Variants in DPP10 observed in about 807,000 individuals in gnomAD.
DPP10 encodes inactive dipeptidyl peptidase 10.
Under a neutral mutation model 120.9 loss-of-function variants are expected in DPP10, and 33 were observed. The ratio of observed to expected loss-of-function variants is 0.27; its 90% CI spans 0.21 to 0.37. The LOEUF is 0.37. DPP10 is among the 10% of genes least tolerant of loss of function. DPP10 has a pLI of 1.00. For synonymous variants in DPP10, 337 were observed against 326.1 expected (o/e 1.03, Z -0.36); for missense variants, 816 against 942.8 (o/e 0.87, Z 1.76).
intron 1 of DPP10, among the ~76,000 whole-genome samples, chr2:114,678,179 TAAAAAC>T (rs1698791058): frequency 6.6e-6 from 1 of 152,114 alleles, no homozygotes; most frequent in Admixed American, 6.6e-5. Flanking sequence ...GCTCTGAAGA[TAAAAAC>T]AGACATATTT....
intron 1 of DPP10, among the ~76,000 whole-genome samples, chr2:115,185,442 A>T (rs1460406366): frequency 6.6e-6 from 1 of 152,170 alleles, no homozygotes; most frequent in Non-Finnish European, 1.5e-5. Flanking sequence ...CAAAAGTTTT[A>T]AAGTATTACA....
intron 3 of DPP10, among the ~76,000 whole-genome samples, chr2:115,359,699 T>G (rs916502038): frequency 3.3e-5 from 5 of 152,142 alleles, no homozygotes; most frequent in African/African-American, 1.2e-4. Context: ...AAATGTATTC[T>G]CAAATTTGTT....
intron 1 of DPP10, among the ~76,000 whole-genome samples, chr2:114,509,056 G>T (rs1284414979): frequency 6.6e-6 from 1 of 152,074 alleles, no homozygotes; most frequent in Non-Finnish European, 1.5e-5. Flanking sequence ...GAGTGAAACT[G>T]CAGATAAGCA....
At chr2:114,568,762 T>C (rs1270707046) in intron 1 of DPP10, among the ~76,000 whole-genome samples, 1 of 152,230 alleles carries the variant, frequency 6.6e-6, no homozygotes, top group Non-Finnish European at 1.5e-5. Context: ...TCGCCTTTGC[T>C]GTAGGTGTAC....
intron 1 of DPP10, among the ~76,000 whole-genome samples, chr2:114,490,317 A>G (rs1484371362): frequency 1.3e-5 from 2 of 152,122 alleles, no homozygotes; most frequent in African/African-American, 2.4e-5. Context: ...TCTTGCCTTT[A>G]TAACTCTGTG....
intron 1 of DPP10, among the ~76,000 whole-genome samples, chr2:114,459,925 A>G (rs1678784729): frequency 1.3e-5 from 2 of 152,262 alleles, no homozygotes; most frequent in South Asian, 2.1e-4. Context: ...CCGTGTGGTG[A>G]CAGGTTATTC....
chr2:114,547,691 C>A (rs1281731350), intron 1 of DPP10, among the ~76,000 whole-genome samples: 2 of 152,104 alleles, frequency 1.3e-5, no homozygotes, highest in East Asian at 1.9e-4. Flanking sequence ...ATATGTGAGT[C>A]CAGTGCATAC....
At chr2:114,527,527 C>A (rs1429903449) in intron 1 of DPP10, among the ~76,000 whole-genome samples, 1 of 152,094 alleles carries the variant, frequency 6.6e-6, no homozygotes, top group Non-Finnish European at 1.5e-5. Flanking sequence ...ACAGTATTAA[C>A]ATTTATGGCA....
At chr2:115,343,387 A>G (rs1217391282) in intron 2 of DPP10, among the ~76,000 whole-genome samples, 4 of 152,156 alleles carry the variant, frequency 2.6e-5, no homozygotes, top group Non-Finnish European at 4.4e-5. Flanking sequence ...GTTTAGTCAT[A>G]CATAAGTCCC....
At chr2:115,620,823 T>A (rs2084891604) in intron 5 of DPP10, among the ~76,000 whole-genome samples, 1 of 152,166 alleles carries the variant, frequency 6.6e-6, no homozygotes, top group Admixed American at 6.5e-5. Flanking sequence ...ATTATTGAAG[T>A]TAGATAACTT....
At chr2:114,938,680 G>A (rs912834969) in intron 1 of DPP10, among the ~76,000 whole-genome samples, 8 of 149,310 alleles carry the variant, frequency 5.4e-5, no homozygotes, top group Admixed American at 2.0e-4. Context: ...TTTTCCTTAG[G>A]CATTTGTCTA....
intron 1 of DPP10, among the ~76,000 whole-genome samples, chr2:114,570,941 G>C (rs896014376): frequency 6.6e-6 from 1 of 151,902 alleles, no homozygotes; most frequent in Non-Finnish European, 1.5e-5. Flanking sequence ...TCTGTGAAAG[G>C]CTGTCATGCA....
At chr2:115,597,694 AAAAC>A (rs1215775076) in intron 5 of DPP10, among the ~76,000 whole-genome samples, 1 of 151,938 alleles carries the variant, frequency 6.6e-6, no homozygotes, top group Non-Finnish European at 1.5e-5. Context: ...CAAAAATAAA[AAAAC>A]TTTCAAAATC....
chr2:115,219,390 A>G (rs2057015509), intron 1 of DPP10, among the ~76,000 whole-genome samples: 1 of 152,096 alleles, frequency 6.6e-6, no homozygotes, highest in South Asian at 2.1e-4. Flanking sequence ...CTGACTCTAA[A>G]TACTTTTCCA....
intron 1 of DPP10, among the ~76,000 whole-genome samples, chr2:115,223,457 T>C (rs2057281224): frequency 6.6e-6 from 1 of 152,104 alleles, no homozygotes; most frequent in Admixed American, 6.6e-5. Context: ...AACTAGTAGT[T>C]CTAGGTACAT....
intron 1 of DPP10, among the ~76,000 whole-genome samples, chr2:114,863,830 G>A (rs1477408674): frequency 6.6e-6 from 1 of 152,082 alleles, no homozygotes; most frequent in African/African-American, 2.4e-5. Context: ...ACCTTTCCCT[G>A]TCTCTGCCCC....
At chr2:115,117,891 A>C (rs2049604753) in intron 1 of DPP10, among the ~76,000 whole-genome samples, 1 of 152,186 alleles carries the variant, frequency 6.6e-6, no homozygotes, top group African/African-American at 2.4e-5. Flanking sequence ...ACACCTTCAG[A>C]GTAATCATAT....
At position 114,563,530 on chromosome 2, in the gene DPP10, C is replaced by T. The variant is rs190858393; in HGVS notation, c.60+120692C>T. ...CCTGGAATTTAAGTGATACATCTAC[C>T]GTTCTATTTATCATTGAAAAATAAT... On this transcript the variant is annotated intron_variant, in intron 1 of 25. Coordinates refer to ENST00000410059, the MANE Select transcript of DPP10 (RefSeq NM_020868.6). 4.6e-5 allele frequency among the ~76,000 whole-genome samples: 7 copies of T among 152,182 alleles called. No homozygotes were observed. The South Asian group carries it at 6.2e-4, about 14-fold the overall frequency.
chr2:114,491,993 T>G (rs960261389), intron 1 of DPP10, among the ~76,000 whole-genome samples: 1 of 152,146 alleles, frequency 6.6e-6, no homozygotes, highest in Non-Finnish European at 1.5e-5. Flanking sequence ...GACTAATGAA[T>G]GAATATAAGC....
Sources: allele counts gnomAD v4.1 joint callset (sites outside exome capture counted in the v4.1 genomes callset), GRCh38; gene constraint gnomAD v4.1.1; transcripts MANE v1.5; gene names NCBI Gene and HGNC (gene_info 2026-07-23, HGNC 2026-07-21).